NANS: variants seen among roughly 807,000 people sequenced by gnomAD.
The protein encoded by NANS is N-acetylneuraminate-9-phosphate synthase.
NANS carries 29 observed loss-of-function variants against 33.3 expected under a neutral mutation model. The ratio of observed to expected loss-of-function variants is 0.87; its 90% CI spans 0.65 to 1.19. The LOEUF is 1.19. Ranked by LOEUF, NANS falls within the 50% of genes most tolerant of loss-of-function variation. NANS has a pLI of 0.00. For missense variants in NANS, 394 were observed against 461.1 expected, an observed-to-expected ratio of 0.85 and a Z score of 1.33; for synonymous variants, 163 against 177.2, an observed-to-expected ratio of 0.92 and a Z score of 0.64.
At chr9:98,064,701 G>GTATCACACA (rs1829084175) in intron 2 of NANS, among the ~76,000 whole-genome samples, 1 of 152,190 alleles carries the variant, frequency 6.6e-6, no homozygotes, top group African/African-American at 2.4e-5. Flanking sequence ...CACACAGTTA[G>GTATCACACA]GAAATGGGTC....
At chr9:98,079,061 T>C (rs931916398) in intron 4 of NANS, among the ~76,000 whole-genome samples, 3 of 152,174 alleles carry the variant, frequency 2.0e-5, no homozygotes, top group Admixed American at 6.5e-5. Flanking sequence ...ATACTAGTTA[T>C]AGTGACAGCC....
At chr9:98,065,911 C>T (rs947029566) in intron 2 of NANS, among the ~76,000 whole-genome samples, 1 of 152,120 alleles carries the variant, frequency 6.6e-6, no homozygotes, top group Admixed American at 6.6e-5. Context: ...TTTTGCCCCC[C>T]ACCATGATTC....
chr9:98,065,772 T>C (rs533980992), intron 2 of NANS, among the ~76,000 whole-genome samples: 2 of 152,110 alleles, frequency 1.3e-5, no homozygotes, highest in South Asian at 2.1e-4. Flanking sequence ...AGTTGAATCA[T>C]GGGGGCTGGT....
chr9:98,058,269 A>C (rs1564154485), intron 1 of NANS, among the ~76,000 whole-genome samples: 1 of 152,102 alleles, frequency 6.6e-6, no homozygotes, highest in Non-Finnish European at 1.5e-5. Flanking sequence ...TGAATCATAA[A>C]AATACTTTAC....
intron 2 of NANS, among the ~76,000 whole-genome samples, chr9:98,061,940 G>A (rs1479590809): frequency 8.6e-5 from 13 of 151,856 alleles, no homozygotes; most frequent in Admixed American, 8.5e-4. Context: ...GGGAACCAGG[G>A]CCTGGGTGTG....
intron 2 of NANS, among the ~76,000 whole-genome samples, chr9:98,071,188 C>T (rs1215644313): frequency 2.6e-5 from 4 of 152,222 alleles, no homozygotes; most frequent in African/African-American, 7.2e-5. Flanking sequence ...CATACCCCAG[C>T]TGTGTGGTGT....
rs773169954 is a variant in NANS at position 98,056,930 on chromosome 9, G to T, written c.122G>T (p.Arg41Leu). 129 of 1,598,530 alleles carry T rather than the reference G, an allele frequency of 8.1e-5. No homozygotes were observed. Among genetic ancestry groups the T allele is most frequent in the Non-Finnish European group, 1.1e-4 (125 of 1,173,150 alleles). The change falls in exon 1 of 6, where the codon CGC becomes CTC. Residue 41 changes from arginine to leucine, a missense_variant. Arg to Leu is a moderately radical substitution (Grantham distance 102, BLOSUM62 -2). Transcript: ENST00000210444. Reference protein sequence around the residue: ...GDLDVAKRMIRMAKECGADCA... With the variant: ...GDLDVAKRMILMAKECGADCA... ...CTGGACGTAGCCAAGCGCATGATCC[G>T]CATGGCCAAGGTGAGGCGGCAGCTC...
chr9:98,073,779 T>A lies in NANS; in HGVS notation c.349-3139T>A, dbSNP rs566196524. Reference sequence around the variant, plus strand: ...GTGTTGTCCACCCTCATTCATTAATTGATTTAGAATCAATAAAGGGTTTTT... The same window carrying A: ...GTGTTGTCCACCCTCATTCATTAATAGATTTAGAATCAATAAAGGGTTTTT... On this transcript the variant is annotated intron_variant, in intron 2 of 5. Transcript: ENST00000210444. 4.6e-5 allele frequency among the ~76,000 whole-genome samples: 7 copies of A among 151,170 alleles called. No individual in the cohort carries two copies. The East Asian group carries it at 1.4e-3, about 29-fold the overall frequency.
chr9:98,076,998 G>A lies in NANS; in HGVS notation c.429G>A (p.Leu143=), dbSNP rs1384663010. The change falls in exon 3 of 6, where the codon CTG becomes CTA. Residue 143 remains leucine (L), a synonymous_variant. Coordinates refer to ENST00000210444, the MANE Select transcript of NANS (RefSeq NM_018946.4). ...GSGDTNNFPY[L]EKTAKKGRPM... ...GAGACACTAATAATTTTCCTTATCT[G>A]GAAAAGACAGCCAAAAAAGGTAAGT... 6.2e-7 allele frequency: 1 copy of A among 1,608,186 alleles called. No individual in the cohort carries two copies. The highest frequency in any genetic ancestry group is 2.2e-5 in the East Asian group (1 of 44,600).
At chr9:98,080,740 C>T (rs1333321274) in intron 4 of NANS, 76 bp from the exon 5 acceptor site, 5 of 1,492,570 alleles carry the variant, frequency 3.3e-6, no homozygotes, top group Non-Finnish European at 4.5e-6. Flanking sequence ...CGGGGCTCAA[C>T]CAGATACGCT....
rs998749130 is a variant in NANS, at chr9:98,082,731, C to T, written c.871-115C>T. ...GAGCAGTGTAGGGGGCAACAGAGTG[C>T]CTGCTCCCAAGGTACTGCCTGGGGA... On this transcript the variant is annotated intron_variant, in intron 5 of 5. Transcript: ENST00000210444. The T allele has an allele frequency of 1.1e-5, 10 of 908,584 alleles. No individual in the cohort carries two copies. The African/African-American group carries it at 1.5e-4, about 14-fold the overall frequency. 56.3% of individuals were successfully genotyped at this position (908,584 alleles called of 1,614,324 possible).
rs1038468157 is a variant in NANS, at chr9:98,080,748, G to T, written c.604-68G>T. On this transcript the variant is annotated intron_variant, in intron 4 of 5. Transcript: ENST00000210444. ...GCTAAACCGGGGCTCAACCAGATAC[G>T]CTTCACCTGGAGAATATGCATAAAG... is the stretch of plus-strand genomic sequence containing the variant. The T allele has an allele frequency of 6.0e-6, 9 of 1,506,198 alleles. No individual in the cohort carries two copies. The African/African-American group carries it at 1.1e-4, about 19-fold the overall frequency. 93.3% of individuals were successfully genotyped at this position (1,506,198 alleles called of 1,614,324 possible).
In NANS at chr9:98,065,483, A is replaced by ATTTTTTTTTTTTTTTTTTT. The variant is rs397837187; in HGVS notation, c.348+4495_348+4513dup. 3.9e-4 allele frequency among the ~76,000 whole-genome samples: 23 copies of ATTTTTTTTTTTTTTTTTTT among 58,632 alleles called. 1 individual carries two copies. Among genetic ancestry groups the ATTTTTTTTTTTTTTTTTTT allele is most frequent in the South Asian group, 9.8e-4 (1 of 1,024 alleles). The allele number at this position is 58,632 out of a possible 152,430, so 38.5% of individuals were successfully genotyped here. ...AGGCGTCCACCACCATGCCCAGCTA[A>ATTTTTTTTTTTTTTTTTTT]TTTTTTTTTTTTTTTTTTTTTTTTT... On this transcript the variant is annotated intron_variant, in intron 2 of 5. Coordinates refer to ENST00000210444, the MANE Select transcript of NANS (RefSeq NM_018946.4).
At chr9:98,068,650 T>TAA (rs55679709) in intron 2 of NANS, among the ~76,000 whole-genome samples, 2,505 of 127,654 alleles carry the variant, frequency 0.02, 88 homozygotes, top group African/African-American at 0.068. Flanking sequence ...CCCCATCTAT[T>TAA]AAAAAAAAAA....
At chr9:98,075,684 G>A (rs1366390446) in intron 2 of NANS, 1 of 151,994 alleles carries the variant, frequency 6.6e-6, no homozygotes, top group Non-Finnish European at 1.5e-5. Flanking sequence ...TTCGACTTTT[G>A]ATTTCCAACT....
intron 2 of NANS, among the ~76,000 whole-genome samples, chr9:98,066,016 C>T (rs1459912506): frequency 6.6e-6 from 1 of 152,124 alleles, no homozygotes; most frequent in Non-Finnish European, 1.5e-5. Context: ...ATTTGGAGGA[C>T]TAAGTCCTAA....
intron 2 of NANS, among the ~76,000 whole-genome samples, chr9:98,068,650 T>TAAA (rs55679709): frequency 6.3e-5 from 8 of 127,678 alleles, no homozygotes; most frequent in African/African-American, 2.0e-4. Flanking sequence ...CCCCATCTAT[T>TAAA]AAAAAAAAAA....
intron 2 of NANS, among the ~76,000 whole-genome samples, chr9:98,062,824 G>T: frequency 6.7e-6 from 1 of 149,296 alleles, no homozygotes. Context: ...AAAACTGGGG[G>T]AAGAGTATAT....
At chr9:98,064,858 C>T (rs1182707471) in intron 2 of NANS, among the ~76,000 whole-genome samples, 1 of 152,236 alleles carries the variant, frequency 6.6e-6, no homozygotes, top group Non-Finnish European at 1.5e-5. Context: ...ATGCACCACG[C>T]TCGGTACCAG....
Sources: allele counts gnomAD v4.1 joint callset (sites outside exome capture counted in the v4.1 genomes callset), GRCh38; gene constraint gnomAD v4.1.1; transcripts MANE v1.5; gene names NCBI Gene and HGNC (gene_info 2026-07-23, HGNC 2026-07-21).